Variants in TAF1B observed in about 807,000 individuals in gnomAD.
TAF1B encodes the protein TATA-box binding protein associated factor, RNA polymerase I subunit B.
In TAF1B, 61 loss-of-function variants were observed where a neutral mutation model predicts 83.9. That is an observed-to-expected ratio of 0.73 (90% CI 0.59 to 0.90). The LOEUF (loss-of-function observed/expected upper bound fraction) is 0.90, where lower values mean the gene tolerates loss of function less well. Among genes scored for constraint, TAF1B ranks in the 40% least tolerant of loss-of-function variants. The pLI is 0.00. For synonymous variants in TAF1B, 221 were observed against 224.6 expected, an observed-to-expected ratio of 0.98 and a Z score of 0.14; for missense variants, 625 against 677.0, an observed-to-expected ratio of 0.92 and a Z score of 0.85.
intron 8 of TAF1B, among the ~76,000 whole-genome samples, chr2:9,902,259 A>G (rs116414589): frequency 0.01 from 1,582 of 151,338 alleles, 12 homozygotes; most frequent in Admixed American, 0.02. Context: ...TTATTGAGGT[A>G]AAATAGACAC....
At chr2:9,911,626 T>A in intron 11 of TAF1B, 69 bp downstream of exon 11, 1 of 1,143,208 alleles carries the variant, frequency 8.7e-7, no homozygotes, top group Non-Finnish European at 1.2e-6. Context: ...GGAATAAATG[T>A]AGGCAAACAA....
intron 4 of TAF1B, 80 bp downstream of exon 4, chr2:9,851,718 A>G: frequency 8.7e-7 from 1 of 1,150,520 alleles, no homozygotes; most frequent in East Asian, 2.4e-5. Context: ...AACTAAGGAG[A>G]AATCAGTAGT....
chr2:9,884,198 C>G (rs781510605), intron 8 of TAF1B, among the ~76,000 whole-genome samples: 1 of 152,196 alleles, frequency 6.6e-6, no homozygotes, highest in Non-Finnish European at 1.5e-5. Flanking sequence ...AAGCAGTTTC[C>G]GCAGCTGGCA....
Position 9,934,063 on chromosome 2 carries a change from AT to A in TAF1B, c.*81del. On this transcript the variant is annotated 3_prime_UTR_variant, in exon 15 of 15. Transcript: ENST00000263663. ...AGATTTTAATATAACATTCCAGAGA[AT>A]TGTGGAAAATACTGCATATATATGT... 8.6e-7 allele frequency: 1 copy of A among 1,157,724 alleles called. No individual in the cohort carries two copies. Among genetic ancestry groups the A allele is most frequent in the Non-Finnish European group, 1.2e-6 (1 of 826,984 alleles). The allele number at this position is 1,157,724 out of a possible 1,614,324, so 71.7% of individuals were successfully genotyped here. A position where few individuals can be genotyped will look rare whatever the true frequency, so the allele number is the denominator to read the frequency against.
In TAF1B at chr2:9,875,918, G is replaced by A. The variant is rs919000090; in HGVS notation, c.607G>A (p.Glu203Lys). 6 of 1,613,252 alleles carry A rather than the reference G, an allele frequency of 3.7e-6. No homozygotes were observed. The highest frequency in any genetic ancestry group is 5.1e-6 in the Non-Finnish European group (6 of 1,179,386). ...LDGVEYSQRKEKGIVKMTMPQ... is the reference protein window; with the variant it reads ...LDGVEYSQRKKKGIVKMTMPQ... ...TGGAGTTGAATACTCACAACGAAAGGAGAAGGGAATCGTGAAGATGACCAT... is the reference window on the plus strand; with the variant it reads ...TGGAGTTGAATACTCACAACGAAAGAAGAAGGGAATCGTGAAGATGACCAT... The change falls in exon 7 of 15, where the codon GAG (glutamate) becomes AAG (lysine). Residue 203 changes from glutamate to lysine, a missense_variant. Coordinates refer to ENST00000263663, the MANE Select transcript of TAF1B (RefSeq NM_005680.3).
intron 4 of TAF1B, 52 bp from the exon 5 acceptor site, chr2:9,854,274 C>T (rs1343680166): frequency 7.1e-6 from 9 of 1,273,642 alleles, no homozygotes; most frequent in Non-Finnish European, 1.0e-5. Context: ...TGTGCCTGTA[C>T]ATTTGTTGTC....
intron 14 of TAF1B, among the ~76,000 whole-genome samples, chr2:9,931,109 G>A (rs1241299260): frequency 1.3e-5 from 2 of 152,118 alleles, no homozygotes; most frequent in Non-Finnish European, 2.9e-5. Context: ...GATGGGTCTT[G>A]ACTCTTTATC....
At chr2:9,860,532 C>A (rs1663718652) in intron 5 of TAF1B, among the ~76,000 whole-genome samples, 1 of 152,114 alleles carries the variant, frequency 6.6e-6, no homozygotes, top group Non-Finnish European at 1.5e-5. Context: ...GTATTTAAAA[C>A]TGTAAGACCG....
chr2:9,923,881 A>G (rs1335218928), intron 14 of TAF1B, among the ~76,000 whole-genome samples: 1 of 152,174 alleles, frequency 6.6e-6, no homozygotes, highest in Non-Finnish European at 1.5e-5. Flanking sequence ...ACTCCAAGTG[A>G]AGACATGGTG....
At chr2:9,845,866 C>T (rs1462685704) in intron 2 of TAF1B, 1 of 306,044 alleles carries the variant, frequency 3.3e-6, no homozygotes, top group Non-Finnish European at 6.4e-6. Context: ...GCCTGTAGTC[C>T]CAGCTACTTG....
intron 14 of TAF1B, among the ~76,000 whole-genome samples, chr2:9,925,635 G>T (rs961361839): frequency 6.6e-6 from 1 of 150,468 alleles, no homozygotes; most frequent in African/African-American, 2.4e-5. Flanking sequence ...AGGCTAGAGT[G>T]CAGTGACACA....
At chr2:9,904,567 C>T (rs759302344) in intron 8 of TAF1B, among the ~76,000 whole-genome samples, 12 of 152,122 alleles carry the variant, frequency 7.9e-5, no homozygotes, top group Non-Finnish European at 1.3e-4. Context: ...TGAATACACA[C>T]GTGCATGTGT....
intron 14 of TAF1B, among the ~76,000 whole-genome samples, chr2:9,932,098 C>T (rs988361753): frequency 1.2e-4 from 19 of 152,156 alleles, no homozygotes; most frequent in Non-Finnish European, 1.0e-4. Flanking sequence ...AGCTTCCTTG[C>T]GATGGGTTTG....
intron 11 of TAF1B, among the ~76,000 whole-genome samples, chr2:9,912,122 A>T (rs562473390): frequency 1.3e-5 from 2 of 152,358 alleles, no homozygotes; most frequent in South Asian, 4.1e-4. Flanking sequence ...CTAATGGCCT[A>T]AGTACGTCTG....
intron 12 of TAF1B, among the ~76,000 whole-genome samples, chr2:9,915,020 A>G (rs977906841): frequency 2.6e-5 from 4 of 152,224 alleles, no homozygotes; most frequent in African/African-American, 7.2e-5. Context: ...ATGGGTTCCT[A>G]TGCATGAGAT....
rs945125751 is a variant in TAF1B, at chr2:9,914,797, C to T, written c.1271+1548C>T. The stretch of plus-strand genomic sequence containing the variant: ...TCCTAGAGTATGTGCTGAGGGCTGA[C>T]ACACACGTGCAGTGTGAGTCACTGC... On this transcript the variant is annotated intron_variant, in intron 12 of 14. Transcript: ENST00000263663. This position sits in a 1 kb window ranked among gnomAD's most constrained non-coding sequence, Gnocchi z 4.3. Among the ~76,000 whole-genome samples, 1 of 152,154 alleles carries T rather than the reference C, an allele frequency of 6.6e-6. No individual in the cohort carries two copies. Among genetic ancestry groups the T allele is most frequent in the Non-Finnish European group, 1.5e-5 (1 of 68,036 alleles).
chr2:9,903,374 C>T lies in TAF1B; in HGVS notation c.808-1485C>T, dbSNP rs554937171. On this transcript the variant is annotated intron_variant, in intron 8 of 14. Transcript: ENST00000263663. ...TGCTGGGATTACAGGTGTGGGCCAC[C>T]GTACCCTGGCCACTCTAAACTAAAT... Among the ~76,000 whole-genome samples the T allele has an allele frequency of 4.6e-5, 7 of 152,202 alleles. No individual in the cohort carries two copies. The East Asian group carries it at 1.4e-3, about 29-fold the overall frequency.
intron 3 of TAF1B, among the ~76,000 whole-genome samples, 192 bp from the exon 4 acceptor site, chr2:9,851,347 CAA>C (rs1173232776): frequency 2.0e-5 from 3 of 150,968 alleles, no homozygotes; most frequent in Admixed American, 6.6e-5. Context: ...AGGTTGGAAA[CAA>C]GAGAATATAA....
intron 6 of TAF1B, among the ~76,000 whole-genome samples, chr2:9,869,121 A>T (rs1664086912): frequency 6.6e-6 from 1 of 152,242 alleles, no homozygotes; most frequent in Admixed American, 6.5e-5. Flanking sequence ...CATGACTGTA[A>T]AACCATCGAA....
Sources: gnomAD v4.1 joint callset for allele counts (sites outside exome capture counted in the v4.1 genomes callset) on GRCh38, gnomAD v4.1.1 for gene constraint, Gnocchi (gnomAD v3.1) non-coding constraint, MANE v1.5 for transcripts, NCBI Gene and HGNC (gene_info 2026-07-23, HGNC 2026-07-21) for gene names.